ASNS: variants seen among roughly 807,000 people sequenced by gnomAD.
ASNS encodes the protein asparagine synthetase (glutamine-hydrolyzing), also known as asparagine synthetase [glutamine-hydrolyzing].
A neutral mutation model predicts 62.6 loss-of-function variants in ASNS; 37 were observed. The ratio of observed to expected loss-of-function variants is 0.59; its 90% CI spans 0.45 to 0.78. The LOEUF is 0.78. ASNS is among the 30% of genes least tolerant of loss of function. The pLI is 0.00. For synonymous variants in ASNS, 207 were observed against 237.9 expected, an observed-to-expected ratio of 0.87 and a Z score of 1.19; for missense variants, 520 against 682.4, an observed-to-expected ratio of 0.76 and a Z score of 2.65.
chr7:97,871,756 G>C (rs1286159783), intron 1 of ASNS: 1 of 152,094 alleles, frequency 6.6e-6, no homozygotes, highest in Non-Finnish European at 1.5e-5. Flanking sequence ...GTCACTTGAT[G>C]AGTCTTGCAG....
chr7:97,871,964 C>T (rs1444279120), intron 1 of ASNS: 1 of 152,322 alleles, frequency 6.6e-6, no homozygotes, highest in Non-Finnish European at 1.5e-5. Context: ...ACCCGTCCGC[C>T]GCAGGGACCC....
chr7:97,870,120 G>A (rs1446793125), intron 1 of ASNS: 4 of 439,488 alleles, frequency 9.1e-6, no homozygotes, highest in Non-Finnish European at 1.5e-5. Flanking sequence ...GTGAAATAAA[G>A]GGCTGTTTTA....
the ASNS span, among the ~76,000 whole-genome samples, chr7:97,905,354 T>C: frequency 5.9e-5 from 9 of 152,288 alleles, no homozygotes; most frequent in Admixed American, 5.9e-4. Context: ...ACCCCATTGA[T>C]GACTTGCCTC....
chr7:97,869,252 G>A lies in ASNS; in HGVS notation c.-23-73C>T. On this transcript the variant is annotated intron_variant, in intron 2 of 12. Transcript: ENST00000394308. ...AACTCTGCATTAAATCTTGATTCCGGAAACGTGCATAAACCACTTCAAAGA... is the reference window on the plus strand; with the variant it reads ...AACTCTGCATTAAATCTTGATTCCGAAAACGTGCATAAACCACTTCAAAGA... 2.6e-6 allele frequency: 4 copies of A among 1,509,764 alleles called. No homozygotes were observed. In the South Asian group the frequency reaches 5.2e-5, roughly 20 times the overall value. 93.5% of individuals were successfully genotyped at this position (1,509,764 alleles called of 1,614,324 possible).
At chr7:97,921,162 T>C in the ASNS span, among the ~76,000 whole-genome samples, 32 of 152,296 alleles carry the variant, frequency 2.1e-4, no homozygotes, top group African/African-American at 6.0e-4. Flanking sequence ...ATCTGCAAAA[T>C]TGGGACTCAC....
rs112273881 is a variant in ASNS at position 97,869,370 on chromosome 7, G to C, written c.-23-191C>G. Among the ~76,000 whole-genome samples, 395 of 152,240 alleles carry C rather than the reference G, an allele frequency of 2.6e-3. 2 individuals carry two copies. The highest frequency in any genetic ancestry group is 9.1e-3 in the African/African-American group (379 of 41,528). Reference sequence around the variant, plus strand: ...TGATTTAATTTACTTACAGGTATTCGGAAAAGATAGTGACCTCTACATTCA... The same window carrying C: ...TGATTTAATTTACTTACAGGTATTCCGAAAAGATAGTGACCTCTACATTCA... On this transcript the variant is annotated intron_variant, in intron 2 of 12. Coordinates refer to ENST00000394308, the MANE Select transcript of ASNS (RefSeq NM_001673.5).
chr7:97,902,491 T>C, the ASNS span, among the ~76,000 whole-genome samples: 1 of 152,232 alleles, frequency 6.6e-6, no homozygotes, highest in East Asian at 1.9e-4. Flanking sequence ...ATGAGCAGAT[T>C]GCTTGAGCCC....
chr7:97,896,120 C>T, the ASNS span, among the ~76,000 whole-genome samples: 5 of 151,968 alleles, frequency 3.3e-5, no homozygotes, highest in Non-Finnish European at 5.9e-5. Flanking sequence ...TTAAAATGAC[C>T]ATACTACCTG....
At chr7:97,892,794 T>C in the ASNS span, among the ~76,000 whole-genome samples, 2 of 152,234 alleles carry the variant, frequency 1.3e-5, no homozygotes, top group African/African-American at 4.8e-5. Context: ...TTATTGTCCA[T>C]ATAACCATCA....
chr7:97,895,246 A>G, the ASNS span, among the ~76,000 whole-genome samples: 2 of 152,240 alleles, frequency 1.3e-5, no homozygotes, highest in African/African-American at 4.8e-5. Flanking sequence ...ATATGTGACA[A>G]ATCTACAGCT....
chr7:97,858,182 CA>C, intron 7 of ASNS, 95 bp downstream of exon 7: 2 of 1,488,668 alleles, frequency 1.3e-6, no homozygotes, highest in Non-Finnish European at 1.8e-6. Context: ...CCAGTCAATA[CA>C]GCAGCAGTAG....
chr7:97,875,498 T>C (rs1250180300), upstream of ASNS, among the ~76,000 whole-genome samples: 1 of 152,152 alleles, frequency 6.6e-6, no homozygotes, highest in East Asian at 1.9e-4. Context: ...CATTGTGTGG[T>C]GGTCTGTTCA....
the ASNS span, among the ~76,000 whole-genome samples, chr7:97,896,741 C>CACACACATATATATAT: frequency 6.6e-4 from 13 of 19,766 alleles, no homozygotes; most frequent in Admixed American, 1.2e-3. Context: ...CACACACACA[C>CACACACATATATATAT]ATATATATAT....
chr7:97,873,788 T>G (rs1792377700), upstream of ASNS, among the ~76,000 whole-genome samples: 1 of 152,016 alleles, frequency 6.6e-6, no homozygotes, highest in Non-Finnish European at 1.5e-5. Flanking sequence ...TGTTACCTAG[T>G]GTGCTTCCTT....
At chr7:97,928,152 T>G in the ASNS span, 1 of 1,531,974 alleles carries the variant, frequency 6.5e-7, no homozygotes, top group South Asian at 1.2e-5. Context: ...CTCCCCGTCC[T>G]CGCAGTCCTG....
At position 97,852,084 on chromosome 7, in the gene ASNS, C is replaced by T; in HGVS notation, c.*175G>A. The T allele has an allele frequency of 4.4e-6, 3 of 679,804 alleles. No individual in the cohort carries two copies. Among genetic ancestry groups the T allele is most frequent in the Non-Finnish European group, 7.3e-6 (3 of 411,972 alleles). 42.1% of individuals were successfully genotyped at this position (679,804 alleles called of 1,614,324 possible). On this transcript the variant is annotated 3_prime_UTR_variant, in exon 13 of 13. Transcript: ENST00000394308. ...GATACAGCAAAACAGTTCTAGTTAC[C>T]TCTTATGAAGAGACTGCATGAACAT...
chr7:97,915,382 C>A, the ASNS span, among the ~76,000 whole-genome samples: 1 of 152,218 alleles, frequency 6.6e-6, no homozygotes, highest in African/African-American at 2.4e-5. Context: ...TGAGCCTCAA[C>A]TTTCTCATCT....
chr7:97,914,760 C>T, the ASNS span, among the ~76,000 whole-genome samples: 1 of 145,360 alleles, frequency 6.9e-6, no homozygotes, highest in Non-Finnish European at 1.5e-5. Context: ...CATTAGGTAT[C>T]TCACCTTTCA....
intron 10 of ASNS, 73 bp downstream of exon 10, chr7:97,854,507 A>C: frequency 6.4e-7 from 1 of 1,550,894 alleles, no homozygotes; most frequent in Non-Finnish European, 8.8e-7. Flanking sequence ...TTCTCAGGGT[A>C]TTGAGCTTTT....
Sources: gnomAD v4.1 joint callset for allele counts (sites outside exome capture counted in the v4.1 genomes callset) on GRCh38, gnomAD v4.1.1 for gene constraint, MANE v1.5 for transcripts, NCBI Gene and HGNC (gene_info 2026-07-23, HGNC 2026-07-21) for gene names.